Variants in OXR1 observed in about 807,000 individuals in gnomAD.
The protein encoded by OXR1 is oxidation resistance 1.
Under a neutral mutation model 104.6 loss-of-function variants are expected in OXR1, and 41 were observed. That is an observed-to-expected ratio of 0.39 (90% confidence interval 0.31 to 0.51). The LOEUF (loss-of-function observed/expected upper bound fraction) is 0.51, where lower values mean the gene tolerates loss of function less well. Among genes scored for constraint, OXR1 ranks in the 20% least tolerant of loss-of-function variants. The pLI is 0.77. For synonymous variants in OXR1, 348 were observed against 348.4 expected, an observed-to-expected ratio of 1.00 and a Z score of 0.01; for missense variants, 955 against 1,031.9, an observed-to-expected ratio of 0.93 and a Z score of 1.02.
chr8:106,301,815 C>T (rs561823068), intron 1 of OXR1, among the ~76,000 whole-genome samples: 10 of 152,134 alleles, frequency 6.6e-5, no homozygotes, highest in African/African-American at 1.7e-4. Context: ...GTAGAAATAT[C>T]GAGCCTTTTT....
At chr8:106,696,649 G>A (rs547182174) in intron 7 of OXR1, among the ~76,000 whole-genome samples, 4 of 152,204 alleles carry the variant, frequency 2.6e-5, no homozygotes, top group South Asian at 2.1e-4. Flanking sequence ...GACTTCAGCC[G>A]TTCTAATAGA....
intron 3 of OXR1, among the ~76,000 whole-genome samples, chr8:106,673,496 G>T (rs1052914478): frequency 2.3e-4 from 35 of 152,130 alleles, no homozygotes; most frequent in Admixed American, 2.2e-3. Context: ...TAAAAAGTTT[G>T]GACAACTTGC....
intron 2 of OXR1, among the ~76,000 whole-genome samples, chr8:106,372,439 C>G (rs1264148603): frequency 6.6e-6 from 1 of 151,794 alleles, no homozygotes; most frequent in East Asian, 1.9e-4. Context: ...CCTTAGAACA[C>G]TGCTGCTTCT....
At chr8:106,345,105 C>T (rs1815423607) in intron 1 of OXR1, among the ~76,000 whole-genome samples, 1 of 152,168 alleles carries the variant, frequency 6.6e-6, no homozygotes, top group African/African-American at 2.4e-5. Flanking sequence ...GCTGCAAGAT[C>T]CTTGAAAGCA....
intron 2 of OXR1, among the ~76,000 whole-genome samples, chr8:106,371,945 G>C (rs1586577116): frequency 6.6e-6 from 1 of 152,304 alleles, no homozygotes; most frequent in Admixed American, 6.5e-5. Context: ...CCCCTGCCCA[G>C]GGAGCTTAGC....
intron 2 of OXR1, among the ~76,000 whole-genome samples, chr8:106,503,047 C>T (rs1213167806): frequency 6.6e-6 from 1 of 152,102 alleles, no homozygotes; most frequent in Non-Finnish European, 1.5e-5. Flanking sequence ...CAAAGGATAG[C>T]AACATTTTTC....
chr8:106,421,801 G>GGACAAAAGGCATGAATGAGAA (rs1256743338), intron 2 of OXR1, among the ~76,000 whole-genome samples: 1 of 152,202 alleles, frequency 6.6e-6, no homozygotes, highest in Non-Finnish European at 1.5e-5. Flanking sequence ...GACTGGGAGA[G>GGACAAAAGGCATGAATGAGAA]GCCATGAATT....
intron 5 of OXR1, 51 bp downstream of exon 5, chr8:106,683,357 G>T: frequency 1.2e-6 from 1 of 863,678 alleles, no homozygotes; most frequent in Non-Finnish European, 2.0e-6. Context: ...AAACAGAAAG[G>T]CAGAAAGTAT....
chr8:106,696,713 A>G (rs980018268), intron 7 of OXR1, among the ~76,000 whole-genome samples: 2 of 151,490 alleles, frequency 1.3e-5, no homozygotes, highest in African/African-American at 2.5e-5. Context: ...ATGGCATATT[A>G]TATTAAGCGT....
At chr8:106,555,590 G>T (rs759363773) in intron 3 of OXR1, among the ~76,000 whole-genome samples, 55 of 151,882 alleles carry the variant, frequency 3.6e-4, no homozygotes, top group Admixed American at 6.6e-4. Context: ...AAGTAATTGT[G>T]GCCATTATTT....
chr8:106,727,479 C>T (rs539210468), intron 11 of OXR1, among the ~76,000 whole-genome samples: 1 of 152,136 alleles, frequency 6.6e-6, no homozygotes, highest in South Asian at 2.1e-4. Context: ...AATGCAGTGG[C>T]GGGATTTTGG....
At chr8:106,412,329 T>A (rs1473013893) in intron 2 of OXR1, among the ~76,000 whole-genome samples, 1 of 152,098 alleles carries the variant, frequency 6.6e-6, no homozygotes, top group Non-Finnish European at 1.5e-5. Context: ...CTTCAAATGG[T>A]AGGATGGGGA....
At chr8:106,716,122 A>G (rs1036736921) in intron 11 of OXR1, among the ~76,000 whole-genome samples, 2 of 152,226 alleles carry the variant, frequency 1.3e-5, no homozygotes, top group African/African-American at 4.8e-5. Context: ...TATATGATCT[A>G]CTTTTTCAAC....
intron 3 of OXR1, among the ~76,000 whole-genome samples, chr8:106,668,406 C>T (rs971232736): frequency 6.6e-6 from 1 of 152,098 alleles, no homozygotes; most frequent in Non-Finnish European, 1.5e-5. Flanking sequence ...AATAATTTAA[C>T]TAAGAGTAGA....
At chr8:106,569,668 G>A (rs1237397071) in intron 3 of OXR1, among the ~76,000 whole-genome samples, 1 of 152,174 alleles carries the variant, frequency 6.6e-6, no homozygotes, top group Non-Finnish European at 1.5e-5. Context: ...AGAAATGACA[G>A]GAAAGTTCAT....
chr8:106,289,322 A>G (rs1037515255), intron 1 of OXR1, among the ~76,000 whole-genome samples: 1 of 152,242 alleles, frequency 6.6e-6, no homozygotes, highest in Non-Finnish European at 1.5e-5. Flanking sequence ...AGTTTTCAGT[A>G]TACAAAATCA....
At chr8:106,294,395 C>CAAAAAAAAAAAAAA (rs1200997871) in intron 1 of OXR1, among the ~76,000 whole-genome samples, 3 of 70,386 alleles carry the variant, frequency 4.3e-5, no homozygotes, top group African/African-American at 1.9e-4. Context: ...GACTCTGTCT[C>CAAAAAAAAAAAAAA]AAAAAAAAAA....
chr8:106,410,901 A>C (rs1024830323), intron 2 of OXR1, among the ~76,000 whole-genome samples: 6 of 152,112 alleles, frequency 3.9e-5, no homozygotes, highest in African/African-American at 1.4e-4. Flanking sequence ...GAAATGACTC[A>C]TTTGTTCAGA....
Position 106,615,154 on chromosome 8 carries a change from G to C in OXR1, c.221-64056G>C, listed in dbSNP as rs1408050598. On this transcript the variant is annotated intron_variant, in intron 3 of 16. Transcript: ENST00000517566. ...GGCAACATGGAGAAAAATAGGCCAG[G>C]CGCGGTGGCTCGTGCCTGTAATCCC... Among the ~76,000 whole-genome samples the C allele has an allele frequency of 3.3e-5, 5 of 152,050 alleles. No individual in the cohort carries two copies. The East Asian group carries it at 9.7e-4, about 29-fold the overall frequency.
Sources: gnomAD v4.1 joint callset for allele counts (sites outside exome capture counted in the v4.1 genomes callset) on GRCh38, gnomAD v4.1.1 for gene constraint, MANE v1.5 for transcripts, NCBI Gene and HGNC (gene_info 2026-07-23, HGNC 2026-07-21) for gene names.